Variants in ABTB3 observed in about 807,000 individuals in gnomAD.
ABTB3 encodes ankyrin repeat- and BTB/POZ domain-containing protein 3.
the ABTB3 span, among the ~76,000 whole-genome samples, chr12:107,422,434 C>T: frequency 2.0e-5 from 3 of 152,076 alleles, no homozygotes; most frequent in Admixed American, 6.5e-5. Flanking sequence ...TGCATGGTTC[C>T]AAGCAGAAGA....
At chr12:107,396,231 G>T in the ABTB3 span, among the ~76,000 whole-genome samples, 1 of 152,316 alleles carries the variant, frequency 6.6e-6, no homozygotes, top group East Asian at 1.9e-4. Flanking sequence ...TGGTTGTACT[G>T]TAAGTGAATG....
chr12:107,430,480 A>AT, the ABTB3 span, among the ~76,000 whole-genome samples: 830 of 152,262 alleles, frequency 5.5e-3, 7 homozygotes, highest in African/African-American at 0.019. Context: ...AAGAATACTC[A>AT]TTTTCCCACA....
At chr12:107,529,323 G>C in the ABTB3 span, among the ~76,000 whole-genome samples, 1 of 146,918 alleles carries the variant, frequency 6.8e-6, no homozygotes, top group Non-Finnish European at 1.5e-5. Context: ...GGAGATGATG[G>C]TGATGGCGAT....
the ABTB3 span, among the ~76,000 whole-genome samples, chr12:107,526,571 C>T: frequency 6.6e-6 from 1 of 152,084 alleles, no homozygotes; most frequent in Non-Finnish European, 1.5e-5. Context: ...AGCCTTGCCC[C>T]CAAGCTCCCA....
At chr12:107,573,750 C>T in the ABTB3 span, among the ~76,000 whole-genome samples, 31 of 152,284 alleles carry the variant, frequency 2.0e-4, no homozygotes, top group Non-Finnish European at 2.6e-4. Flanking sequence ...CAAATGTATT[C>T]GACTGGCAGA....
chr12:107,652,282 T>C, the ABTB3 span, among the ~76,000 whole-genome samples: 1 of 152,234 alleles, frequency 6.6e-6, no homozygotes, highest in Non-Finnish European at 1.5e-5. Flanking sequence ...CCTGTGGCTT[T>C]GCATGCCCTC....
At chr12:107,332,327 A>G in the ABTB3 span, among the ~76,000 whole-genome samples, 3 of 152,202 alleles carry the variant, frequency 2.0e-5, no homozygotes, top group African/African-American at 7.2e-5. Context: ...CATTCTGACC[A>G]TTTGCCACAC....
At chr12:107,504,649 T>C in the ABTB3 span, among the ~76,000 whole-genome samples, 3 of 152,336 alleles carry the variant, frequency 2.0e-5, no homozygotes, top group South Asian at 6.2e-4. Context: ...GGGACTTTCA[T>C]TATGAATATA....
chr12:107,563,385 T>C, the ABTB3 span, among the ~76,000 whole-genome samples: 2 of 152,220 alleles, frequency 1.3e-5, no homozygotes, highest in South Asian at 2.1e-4. Context: ...TCTGGGGAGA[T>C]AGCAGAACAC....
At chr12:107,613,783 G>C in the ABTB3 span, among the ~76,000 whole-genome samples, 23 of 152,226 alleles carry the variant, frequency 1.5e-4, no homozygotes, top group African/African-American at 5.3e-4. Flanking sequence ...AGAGATTGAC[G>C]GGCTGAAATC....
the ABTB3 span, among the ~76,000 whole-genome samples, chr12:107,621,488 C>A: frequency 1.3e-5 from 2 of 152,202 alleles, no homozygotes; most frequent in African/African-American, 2.4e-5. Flanking sequence ...TTGTTTTTAA[C>A]TTTTCTTCAG....
the ABTB3 span, among the ~76,000 whole-genome samples, chr12:107,435,378 C>T: frequency 6.6e-6 from 1 of 152,212 alleles, no homozygotes. Context: ...AGCACTCTCT[C>T]CCACCTGTCA....
the ABTB3 span, among the ~76,000 whole-genome samples, chr12:107,541,535 T>C: frequency 6.6e-6 from 1 of 152,226 alleles, no homozygotes; most frequent in African/African-American, 2.4e-5. Context: ...AATTTTGCAG[T>C]GCAGGCCAGC....
chr12:107,592,033 T>A, the ABTB3 span, among the ~76,000 whole-genome samples: 2 of 152,246 alleles, frequency 1.3e-5, no homozygotes, highest in Non-Finnish European at 2.9e-5. Context: ...GGCCTTTGGG[T>A]TCATCTTGAA....
the ABTB3 span, among the ~76,000 whole-genome samples, chr12:107,360,741 C>T: frequency 3.3e-5 from 5 of 152,066 alleles, no homozygotes; most frequent in African/African-American, 1.2e-4. Flanking sequence ...CTCCATTAGT[C>T]ACTGGGTACA....
At chr12:107,367,092 G>A in the ABTB3 span, among the ~76,000 whole-genome samples, 2 of 152,238 alleles carry the variant, frequency 1.3e-5, no homozygotes, top group African/African-American at 4.8e-5. Context: ...AGTTGGTACA[G>A]TCCGGTTCTT....
the ABTB3 span, among the ~76,000 whole-genome samples, chr12:107,403,808 G>C: frequency 7.9e-5 from 12 of 152,166 alleles, no homozygotes; most frequent in African/African-American, 2.4e-4. Flanking sequence ...ATATTTCCTA[G>C]GGAACTCTAA....
chr12:107,441,177 A>T, the ABTB3 span, among the ~76,000 whole-genome samples: 1 of 152,202 alleles, frequency 6.6e-6, no homozygotes, highest in Non-Finnish European at 1.5e-5. Flanking sequence ...TCATTGCAGC[A>T]CTATTCACAC....
chr12:107,651,659 T>C, the ABTB3 span: 2 of 1,601,436 alleles, frequency 1.2e-6, no homozygotes, highest in Non-Finnish European at 1.7e-6. Context: ...AACAGACTCT[T>C]TTTGTGATTT....
Sources: gnomAD v4.1 joint callset for allele counts (sites outside exome capture counted in the v4.1 genomes callset) on GRCh38, gnomAD v4.1.1 for gene constraint, MANE v1.5 for transcripts, NCBI Gene and HGNC (gene_info 2026-07-23, HGNC 2026-07-21) for gene names.